The following PDE4D variants were observed in gnomAD, a reference collection of about 807,000 sequenced individuals.
PDE4D encodes the protein phosphodiesterase 4D, also known as 3',5'-cyclic-AMP phosphodiesterase 4D.
A neutral mutation model predicts 87.4 loss-of-function variants in PDE4D; 24 were observed. That is an observed-to-expected ratio of 0.27 (90% confidence interval 0.20 to 0.39). The LOEUF is 0.39. Ranked by LOEUF, PDE4D falls within the 10% of genes least tolerant of loss-of-function variation. The pLI, the probability that PDE4D is intolerant of heterozygous loss-of-function variation, is 1.00. For missense variants in PDE4D, 714 were observed against 1,041.0 expected (o/e 0.69, Z 4.32); for synonymous variants, 384 against 383.2 (o/e 1.00, Z -0.02).
intron 2 of PDE4D, among the ~76,000 whole-genome samples, chr5:59,995,708 C>CA (rs1456098237): frequency 1.3e-5 from 2 of 152,130 alleles, no homozygotes; most frequent in Non-Finnish European, 2.9e-5. Flanking sequence ...TTTATGACAC[C>CA]AAGTCAGCCT....
intron 1 of PDE4D, among the ~76,000 whole-genome samples, chr5:60,494,253 T>G (rs1749694192): frequency 1.3e-5 from 2 of 152,214 alleles, no homozygotes; most frequent in African/African-American, 4.8e-5. Flanking sequence ...GGCAGAAGAA[T>G]GCACTGGGGG....
chr5:60,460,776 C>T (rs1326848541), intron 1 of PDE4D: 11 of 590,958 alleles, frequency 1.9e-5, no homozygotes, highest in African/African-American at 5.6e-5. Context: ...CCACAAGTCT[C>T]CTTGCTCATC....
At position 60,005,643 on chromosome 5, in the gene PDE4D, T is replaced by C. The variant is rs1253166419; in HGVS notation, c.43-16926A>G. 2.0e-5 allele frequency among the ~76,000 whole-genome samples: 3 copies of C among 152,118 alleles called. No individual in the cohort carries two copies. The East Asian group carries it at 5.8e-4, about 29-fold the overall frequency. On this transcript the variant is annotated intron_variant, in intron 2 of 16. Coordinates refer to the PDE4D transcript ENST00000502484. ...TTTTTATTTATTATTTATACCTTAATAAAGCTGGGGAAACAAAAAACAAAA... is the reference window on the plus strand; with the variant it reads ...TTTTTATTTATTATTTATACCTTAACAAAGCTGGGGAAACAAAAAACAAAA...
chr5:60,432,850 A>G (rs1744461364), intron 1 of PDE4D, among the ~76,000 whole-genome samples: 1 of 152,238 alleles, frequency 6.6e-6, no homozygotes, highest in African/African-American at 2.4e-5. Flanking sequence ...TATTCGATAA[A>G]TGGTTCTGGG....
chr5:59,437,736 T>A (rs1796991044), intron 1 of PDE4D, among the ~76,000 whole-genome samples: 1 of 152,070 alleles, frequency 6.6e-6, no homozygotes, highest in Non-Finnish European at 1.5e-5. Context: ...TCATTTGATG[T>A]GCAATTCATG....
At chr5:60,489,552 C>T (rs1346080271), upstream of PDE4D, 3 of 152,116 alleles carry the variant, frequency 2.0e-5, no homozygotes, top group Admixed American at 1.3e-4. Context: ...TTGGCAATTT[C>T]CCCCCAGGGT....
At chr5:60,387,999 CA>C (rs2150020214) in intron 1 of PDE4D, among the ~76,000 whole-genome samples, 1 of 152,244 alleles carries the variant, frequency 6.6e-6, no homozygotes, top group East Asian at 1.9e-4. Flanking sequence ...GGAAGCAGCT[CA>C]CAGAACTCAG....
intron 1 of PDE4D, among the ~76,000 whole-genome samples, chr5:59,402,808 ACTTT>A (rs1048683512): frequency 3.1e-4 from 47 of 151,806 alleles, no homozygotes; most frequent in African/African-American, 1.0e-3. Context: ...TTTCTAACTG[ACTTT>A]CTATTATGAA....
intron 1 of PDE4D, among the ~76,000 whole-genome samples, chr5:59,428,021 C>A (rs1468175108): frequency 1.3e-5 from 2 of 152,110 alleles, no homozygotes; most frequent in Non-Finnish European, 2.9e-5. Flanking sequence ...TCATTCTCGT[C>A]AACATTGAGT....
chr5:59,712,876 G>T lies in PDE4D; in HGVS notation c.455+180292C>A, dbSNP rs181526611. 2.6e-5 allele frequency among the ~76,000 whole-genome samples: 4 copies of T among 152,224 alleles called. No individual in the cohort carries two copies. In the East Asian group the frequency reaches 7.7e-4, roughly 29 times the overall value. On this transcript the variant is annotated intron_variant, in intron 1 of 14. Coordinates refer to ENST00000340635, the MANE Select transcript of PDE4D (RefSeq NM_001104631.2). ...CATTTAAAGTTACAATTATTATAAT[G>T]AAATAAATAAGGTTGACAACTGTTT...
At chr5:59,406,185 A>G (rs1484956724) in intron 1 of PDE4D, among the ~76,000 whole-genome samples, 2 of 152,294 alleles carry the variant, frequency 1.3e-5, no homozygotes, top group South Asian at 2.1e-4. Context: ...GAGACTTTTC[A>G]TTATGGCTTC....
intron 1 of PDE4D, among the ~76,000 whole-genome samples, chr5:60,505,368 T>C (rs754843741): frequency 2.0e-5 from 3 of 152,176 alleles, no homozygotes; most frequent in African/African-American, 7.2e-5. Context: ...TTTAAACATA[T>C]AATATTGGGA....
intron 1 of PDE4D, among the ~76,000 whole-genome samples, chr5:60,274,748 G>T (rs1751196123): frequency 6.6e-6 from 1 of 152,214 alleles, no homozygotes; most frequent in Non-Finnish European, 1.5e-5. Context: ...AGATCATTCA[G>T]ATTGCTTGGG....
At chr5:59,726,621 G>A (rs62370505) in intron 1 of PDE4D, among the ~76,000 whole-genome samples, 7,158 of 152,154 alleles carry the variant, frequency 0.047, 194 homozygotes, top group South Asian at 0.063. Flanking sequence ...TGTTGTGTAA[G>A]TTATCCAGAT....
rs1758844615 is a variant in PDE4D, at chr5:60,347,669, G to C, written c.-90+140273C>G. Reference sequence around the variant, plus strand: ...GACATGCCCAGACACCAAAATCAATGAGAAAGCACAAGTCTAGACAGCTAA... The same window carrying C: ...GACATGCCCAGACACCAAAATCAATCAGAAAGCACAAGTCTAGACAGCTAA... On this transcript the variant is annotated intron_variant, in intron 1 of 16. Coordinates refer to the PDE4D transcript ENST00000502484. Among the ~76,000 whole-genome samples, 4 of 152,228 alleles carry C rather than the reference G, an allele frequency of 2.6e-5. No homozygotes were observed. In the South Asian group the frequency reaches 8.3e-4, roughly 32 times the overall value.
chr5:59,688,960 G>A (rs1388285731), intron 1 of PDE4D, among the ~76,000 whole-genome samples: 2 of 152,162 alleles, frequency 1.3e-5, no homozygotes, highest in Non-Finnish European at 2.9e-5. Context: ...AAATAAACTA[G>A]AAAATCTAGA....
At chr5:59,443,711 T>C (rs1425875625) in intron 1 of PDE4D, among the ~76,000 whole-genome samples, 1 of 152,214 alleles carries the variant, frequency 6.6e-6, no homozygotes, top group Non-Finnish European at 1.5e-5. Context: ...GAAGTGTGTT[T>C]TTTAAATCAC....
chr5:60,317,435 C>A (rs991251925), intron 1 of PDE4D, among the ~76,000 whole-genome samples: 1 of 152,114 alleles, frequency 6.6e-6, no homozygotes, highest in Non-Finnish European at 1.5e-5. Flanking sequence ...TTTCAAAAAA[C>A]CAGCTCTTGG....
At chr5:59,280,129 AGTTT>A (rs1357125359) in intron 1 of PDE4D, among the ~76,000 whole-genome samples, 2 of 152,060 alleles carry the variant, frequency 1.3e-5, no homozygotes, top group African/African-American at 4.8e-5. Context: ...CAACATCATG[AGTTT>A]GTTAGCCATA....
Sources: allele counts gnomAD v4.1 joint callset (sites outside exome capture counted in the v4.1 genomes callset), GRCh38; gene constraint gnomAD v4.1.1; transcripts MANE v1.5; gene names NCBI Gene and HGNC (gene_info 2026-07-23, HGNC 2026-07-21).